Variants in OR6N1 observed in about 807,000 individuals in gnomAD.
OR6N1 encodes the protein olfactory receptor family 6 subfamily N member 1, also known as olfactory receptor 6N1.
For missense variants in OR6N1, 394 were observed against 371.7 expected (o/e 1.06, Z -0.49); for synonymous variants, 170 against 150.7 (o/e 1.13, Z -0.94).
chr1:158,790,376 T>C, the OR6N1 span, among the ~76,000 whole-genome samples: 2 of 151,830 alleles, frequency 1.3e-5, no homozygotes, highest in Non-Finnish European at 2.9e-5. Context: ...CTGTGAAGAA[T>C]ATCAATTGGT....
chr1:158,819,391 T>A, the OR6N1 span, among the ~76,000 whole-genome samples: 2 of 152,198 alleles, frequency 1.3e-5, no homozygotes, highest in African/African-American at 4.8e-5. Context: ...GAGGCCTGAC[T>A]TTTAATCCAG....
chr1:158,829,531 A>T, the OR6N1 span, among the ~76,000 whole-genome samples: 3 of 152,130 alleles, frequency 2.0e-5, no homozygotes, highest in Admixed American at 6.6e-5. Context: ...CACAGCCTGG[A>T]TCTTATTGTT....
At position 158,766,647 on chromosome 1, in the gene OR6N1, G is replaced by T; in HGVS notation, c.36C>A (p.Phe12Leu). 6.2e-7 allele frequency: 1 copy of T among 1,613,116 alleles called. No individual in the cohort carries two copies. Among genetic ancestry groups the T allele is most frequent in the Non-Finnish European group, 8.5e-7 (1 of 1,179,832 alleles). ...GGAGATGGGGGAAGCCCAAGATGAT[G>T]AATTCTGCTACCTGGCTCCAGTTCC... The part of the protein sequence containing the change: ...DTGNWSQVAE[F>L]IILGFPHLQG... The change falls in exon 2 of 2, where the codon TTC (phenylalanine) becomes TTA (leucine). Residue 12 changes from phenylalanine to leucine, a missense_variant. Phe to Leu is a conservative substitution (Grantham distance 22, BLOSUM62 0). Coordinates refer to ENST00000641846, the MANE Select transcript of OR6N1 (RefSeq NM_001005185.2).
chr1:158,796,588 T>C, the OR6N1 span, among the ~76,000 whole-genome samples: 1 of 152,178 alleles, frequency 6.6e-6, no homozygotes, highest in African/African-American at 2.4e-5. Context: ...CTATTTCAAT[T>C]TCTTTGTTAA....
chr1:158,789,233 A>C, the OR6N1 span, among the ~76,000 whole-genome samples: 1 of 152,178 alleles, frequency 6.6e-6, no homozygotes, highest in African/African-American at 2.4e-5. Context: ...ACATTTTCTT[A>C]ATCCACTTAT....
the OR6N1 span, among the ~76,000 whole-genome samples, chr1:158,782,714 A>T: frequency 2.0e-5 from 3 of 152,220 alleles, no homozygotes; most frequent in African/African-American, 4.8e-5. Flanking sequence ...CTAAAGCTGT[A>T]ATTGAGAAAG....
At position 158,765,518 on chromosome 1, in the gene OR6N1, A is replaced by G. The variant is rs1558030756; in HGVS notation, c.*226T>C. The G allele has an allele frequency of 4.1e-6, 2 of 483,808 alleles. No individual in the cohort carries two copies. The highest frequency in any genetic ancestry group is 7.4e-6 in the Non-Finnish European group (2 of 270,580). 30.0% of individuals were successfully genotyped at this position (483,808 alleles called of 1,614,324 possible). A position where few individuals can be genotyped will look rare whatever the true frequency, so the allele number is the denominator to read the frequency against. ...GTTTTGAAAATCACTGCACTACATC[A>G]TGTTGAAGGGATGTGTACTTTCCCT... On this transcript the variant is annotated 3_prime_UTR_variant, in exon 2 of 2. Coordinates refer to ENST00000641846, the MANE Select transcript of OR6N1 (RefSeq NM_001005185.2).
At chr1:158,795,657 A>G in the OR6N1 span, among the ~76,000 whole-genome samples, 1 of 152,076 alleles carries the variant, frequency 6.6e-6, no homozygotes, top group Non-Finnish European at 1.5e-5. Flanking sequence ...TGCTCCCTAA[A>G]TCAGCCCCAG....
the OR6N1 span, among the ~76,000 whole-genome samples, chr1:158,817,999 C>G: frequency 6.6e-6 from 1 of 152,134 alleles, no homozygotes; most frequent in Non-Finnish European, 1.5e-5. Flanking sequence ...AAAGTAAAAC[C>G]AGAGTGATGA....
At chr1:158,798,678 T>C in the OR6N1 span, among the ~76,000 whole-genome samples, 6 of 152,176 alleles carry the variant, frequency 3.9e-5, no homozygotes, top group Non-Finnish European at 8.8e-5. Context: ...TCAATCTTTA[T>C]TCCATGTGCC....
At chr1:158,794,878 A>C in the OR6N1 span, among the ~76,000 whole-genome samples, 1 of 152,218 alleles carries the variant, frequency 6.6e-6, no homozygotes, top group Non-Finnish European at 1.5e-5. Flanking sequence ...CAGTAATGGC[A>C]GTGGAATTTG....
chr1:158,818,635 G>T, the OR6N1 span, among the ~76,000 whole-genome samples: 1 of 152,192 alleles, frequency 6.6e-6, no homozygotes, highest in Non-Finnish European at 1.5e-5. Flanking sequence ...CAGAAGGCAT[G>T]GGTACCTCTG....
chr1:158,835,360 C>A, the OR6N1 span, among the ~76,000 whole-genome samples: 1 of 152,016 alleles, frequency 6.6e-6, no homozygotes. Context: ...CTACTTTAAG[C>A]TATTGTATAC....
intron 1 of OR6N1, among the ~76,000 whole-genome samples, chr1:158,768,391 G>A (rs537431113): frequency 2.0e-4 from 31 of 152,218 alleles, no homozygotes; most frequent in African/African-American, 7.5e-4. Context: ...ACAAATGATG[G>A]CAATTGCAAT....
At chr1:158,776,668 A>C (rs748777720), upstream of OR6N1, 8 of 1,483,226 alleles carry the variant, frequency 5.4e-6, no homozygotes, top group African/African-American at 8.3e-5. Flanking sequence ...GTGAGAAAGG[A>C]CATGGGAAGA....
At chr1:158,787,649 A>T in the OR6N1 span, among the ~76,000 whole-genome samples, 3 of 150,184 alleles carry the variant, frequency 2.0e-5, no homozygotes, top group East Asian at 5.8e-4. Flanking sequence ...ACACACACAC[A>T]CACACACACA....
intron 1 of OR6N1, among the ~76,000 whole-genome samples, chr1:158,769,896 C>T (rs1288180670): frequency 6.6e-6 from 1 of 152,212 alleles, no homozygotes; most frequent in Non-Finnish European, 1.5e-5. Flanking sequence ...TGTCTATCCA[C>T]TGCCCAATTC....
At chr1:158,827,125 G>A in the OR6N1 span, among the ~76,000 whole-genome samples, 367 of 152,210 alleles carry the variant, frequency 2.4e-3, 1 homozygote, top group African/African-American at 8.4e-3. Flanking sequence ...TTTTTTGTTT[G>A]GGGAGAGAAG....
the OR6N1 span, among the ~76,000 whole-genome samples, chr1:158,799,339 A>G: frequency 6.6e-6 from 1 of 152,156 alleles, no homozygotes; most frequent in African/African-American, 2.4e-5. Context: ...CCTTCCCAAT[A>G]ATTACTCTGC....
Sources: gnomAD v4.1 joint callset for allele counts (sites outside exome capture counted in the v4.1 genomes callset) on GRCh38, gnomAD v4.1.1 for gene constraint, MANE v1.5 for transcripts, NCBI Gene and HGNC (gene_info 2026-07-23, HGNC 2026-07-21) for gene names.